KY: variants seen among roughly 807,000 people sequenced by gnomAD.
KY encodes the protein kyphoscoliosis peptidase.
In KY, 43 loss-of-function variants were observed where a neutral mutation model predicts 76.1. The ratio of observed to expected loss-of-function variants is 0.57; its 90% CI spans 0.44 to 0.73. The LOEUF (loss-of-function observed/expected upper bound fraction) is 0.73. KY is among the 30% of genes least tolerant of loss of function. The probability of loss-of-function intolerance (pLI) is 0.00; values close to 1 mark genes in which losing one functional copy is unlikely to be tolerated. For missense variants in KY, 722 were observed against 828.9 expected (o/e 0.87, Z 1.58); for synonymous variants, 277 against 326.2 (o/e 0.85, Z 1.63).
chr3:134,641,538 G>A (rs551092937), intron 3 of KY, among the ~76,000 whole-genome samples: 2 of 152,136 alleles, frequency 1.3e-5, no homozygotes, highest in African/African-American at 2.4e-5. Flanking sequence ...AGGAATGAAT[G>A]CACCCCTAGA....
intron 3 of KY, among the ~76,000 whole-genome samples, chr3:134,630,263 G>T (rs1964037157): frequency 6.6e-6 from 1 of 152,138 alleles, no homozygotes; most frequent in Admixed American, 6.5e-5. Context: ...TCTCAACTCA[G>T]CCCCCAGGCA....
At position 134,603,024 on chromosome 3, in the gene KY, G is replaced by A. The variant is rs1433596923; in HGVS notation, c.*555C>T. ...TGAAGAACAAGAAGTAGCTAATGAAGAGGCAGCAGGATGCAGAAGATGATC... is the reference window on the plus strand; with the variant it reads ...TGAAGAACAAGAAGTAGCTAATGAAAAGGCAGCAGGATGCAGAAGATGATC... On this transcript the variant is annotated 3_prime_UTR_variant, in exon 11 of 11. Transcript: ENST00000423778. The A allele has an allele frequency of 6.6e-6, 1 of 152,276 alleles. No individual in the cohort carries two copies. Among genetic ancestry groups the A allele is most frequent in the Non-Finnish European group, 1.5e-5 (1 of 68,066 alleles). The allele number at this position is 152,276 out of a possible 1,614,324, so 9.4% of individuals were successfully genotyped here.
At chr3:134,638,023 G>A (rs754056665) in intron 3 of KY, among the ~76,000 whole-genome samples, 2 of 152,194 alleles carry the variant, frequency 1.3e-5, no homozygotes, top group Admixed American at 6.5e-5. Flanking sequence ...CCACTTCCCG[G>A]TTCTCCCCCA....
At position 134,601,720 on chromosome 3, in the gene KY, C is replaced by A. The variant is rs1176427327; in HGVS notation, c.*1859G>T. On this transcript the variant is annotated 3_prime_UTR_variant, in exon 11 of 11. Transcript: ENST00000423778. ...ACAGTTCAGCCCCCCAGGGGAGACACCCCTTTTGCTCGAGGCCGCCGGCCT... is the reference window on the plus strand; with the variant it reads ...ACAGTTCAGCCCCCCAGGGGAGACAACCCTTTTGCTCGAGGCCGCCGGCCT... Among the ~76,000 whole-genome samples the A allele has an allele frequency of 1.3e-5, 2 of 152,350 alleles. No homozygotes were observed. The highest frequency in any genetic ancestry group is 2.1e-4 in the South Asian group (1 of 4,830).
chr3:134,607,062 A>C, intron 10 of KY: 1 of 985,324 alleles, frequency 1.0e-6, no homozygotes, highest in Non-Finnish European at 1.2e-6. Context: ...TGGTGTTTAT[A>C]TTTTTATGTC....
chr3:134,621,975 T>C (rs1962702447), intron 6 of KY, among the ~76,000 whole-genome samples: 2 of 152,152 alleles, frequency 1.3e-5, no homozygotes, highest in South Asian at 4.1e-4. Flanking sequence ...CTCAACATCC[T>C]TAGTCATGAG....
In KY at chr3:134,603,501, C is replaced by T. The variant is rs1263561440; in HGVS notation, c.*78G>A. ...CATGCAGACTCAGTGGTGTCCAGGG[C>T]TCCCTGCACTTCCTTCGAGCCCTCC... is the stretch of plus-strand genomic sequence containing the variant. On this transcript the variant is annotated 3_prime_UTR_variant, in exon 11 of 11. Transcript: ENST00000423778. 22 of 1,315,876 alleles carry T rather than the reference C, an allele frequency of 1.7e-5. No homozygotes were observed. The highest frequency in any genetic ancestry group is 2.3e-5 in the Admixed American group (1 of 43,474). 81.5% of individuals were successfully genotyped at this position (1,315,876 alleles called of 1,614,324 possible). A position where few individuals can be genotyped will look rare whatever the true frequency, so the allele number is the denominator to read the frequency against.
intron 2 of KY, among the ~76,000 whole-genome samples, chr3:134,646,194 G>A (rs1206037708): frequency 6.6e-6 from 1 of 152,224 alleles, no homozygotes; most frequent in African/African-American, 2.4e-5. Flanking sequence ...CCATAGCAGA[G>A]TTTTGTTAGC....
At chr3:134,609,088 G>C (rs116161844) in intron 9 of KY, among the ~76,000 whole-genome samples, 5 of 152,198 alleles carry the variant, frequency 3.3e-5, no homozygotes, top group Non-Finnish European at 7.3e-5. Context: ...CTAGGCTGTC[G>C]AGGGGAAAAC....
In KY at chr3:134,613,566, T is replaced by C. The variant is rs1432278224; in HGVS notation, c.711-3183A>G. 5.9e-5 allele frequency among the ~76,000 whole-genome samples: 9 copies of C among 152,188 alleles called. 1 individual carries two copies. The highest frequency in any genetic ancestry group is 3.9e-4 in the Admixed American group (6 of 15,280). Reference sequence around the variant, plus strand: ...GGCTTATCATGGGCAGAGAGAAATGTTGGCATTAAATGATCTCCAGGGGTT... The same window carrying C: ...GGCTTATCATGGGCAGAGAGAAATGCTGGCATTAAATGATCTCCAGGGGTT... On this transcript the variant is annotated intron_variant, in intron 8 of 10. Transcript: ENST00000423778.
In KY at chr3:134,604,001, C is replaced by T. The variant is rs35026874; in HGVS notation, c.1564G>A (p.Glu522Lys). 447 of 1,613,752 alleles carry T rather than the reference C, an allele frequency of 2.8e-4. 2 individuals are homozygous for T. The highest frequency in any genetic ancestry group is 7.8e-5 in the Non-Finnish European group (92 of 1,179,782). ...GCATGGGGCAGCTGGACTTTCAGCT[C>T]GGTCTGCTTCTCCCGGTGCAGCTGG... The part of the protein sequence containing the change: ...IFQLHREKQT[E>K]LKVQLPHAGK... The change falls in exon 11 of 11, where the codon GAG becomes AAG. Residue 522 changes from glutamate (E) to lysine (K), a missense_variant. Glu to Lys is a moderately conservative substitution (Grantham distance 56, BLOSUM62 1). Around this residue, in one of 2 missense-constraint regions of KY, gnomAD observed 552 missense variants for 680.9 expected, o/e 0.81. Transcript: ENST00000423778.
intron 9 of KY, among the ~76,000 whole-genome samples, chr3:134,609,087 C>T (rs1022699702): frequency 4.6e-5 from 7 of 152,118 alleles, no homozygotes; most frequent in Non-Finnish European, 7.4e-5. Flanking sequence ...CCTAGGCTGT[C>T]GAGGGGAAAA....
intron 3 of KY, among the ~76,000 whole-genome samples, chr3:134,638,670 G>A (rs1171309677): frequency 6.6e-6 from 1 of 152,224 alleles, no homozygotes; most frequent in East Asian, 1.9e-4. Flanking sequence ...CTCAGAAACA[G>A]AGCATACAGG....
chr3:134,603,296 C>G lies in KY; in HGVS notation c.*283G>C. On this transcript the variant is annotated 3_prime_UTR_variant, in exon 11 of 11. Transcript: ENST00000423778. ...GCAGCAGCACTAATACGAGAAGGGG[C>G]ATCTGGATGCAGGTGTACAGTTTAC... 1 of 301,798 alleles carries G rather than the reference C, an allele frequency of 3.3e-6. No individual in the cohort carries two copies. Among genetic ancestry groups the G allele is most frequent in the Non-Finnish European group, 6.1e-6 (1 of 164,144 alleles). 18.7% of individuals were successfully genotyped at this position (301,798 alleles called of 1,614,324 possible).
chr3:134,636,087 GATAC>G (rs1227900774), intron 3 of KY, among the ~76,000 whole-genome samples: 1 of 152,230 alleles, frequency 6.6e-6, no homozygotes, highest in East Asian at 1.9e-4. Flanking sequence ...TGAACACTCA[GATAC>G]ATACATCTTT....
intron 3 of KY, among the ~76,000 whole-genome samples, chr3:134,631,402 C>T (rs531961255): frequency 1.8e-4 from 28 of 152,028 alleles, no homozygotes; most frequent in South Asian, 6.2e-4. Flanking sequence ...GTTCTTCAGA[C>T]GGAAGAGAAA....
chr3:134,625,399 A>C (rs1963298352), intron 5 of KY, among the ~76,000 whole-genome samples: 1 of 152,270 alleles, frequency 6.6e-6, no homozygotes, highest in Non-Finnish European at 1.5e-5. Context: ...GAGAAGTCAG[A>C]AGTAGGAAAC....
intron 4 of KY, 38 bp from the exon 5 acceptor site, chr3:134,627,856 G>T: frequency 6.5e-7 from 1 of 1,536,946 alleles, no homozygotes; most frequent in Non-Finnish European, 9.0e-7. Context: ...AGATACTTCA[G>T]AAGAAACAGA....
chr3:134,614,163 G>T (rs974963950), intron 8 of KY, among the ~76,000 whole-genome samples: 3 of 152,162 alleles, frequency 2.0e-5, no homozygotes, highest in African/African-American at 7.2e-5. Flanking sequence ...CCCAAAGGTG[G>T]AGGAATTAAC....
Sources: allele counts gnomAD v4.1 joint callset (sites outside exome capture counted in the v4.1 genomes callset), GRCh38; gene constraint gnomAD v4.1.1; regional missense constraint gnomAD v4.1.1; transcripts MANE v1.5; gene names NCBI Gene and HGNC (gene_info 2026-07-23, HGNC 2026-07-21).